ARMC3: variants seen among roughly 807,000 people sequenced by gnomAD.
ARMC3 encodes armadillo repeat containing 3.
A neutral mutation model predicts 90.3 loss-of-function variants in ARMC3; 74 were observed. The observed-to-expected ratio is 0.82, with a 90% CI of 0.68 to 0.99. The LOEUF (loss-of-function observed/expected upper bound fraction) is 0.99. ARMC3 is among the 50% of genes least tolerant of loss of function. The pLI is 0.00. For missense variants in ARMC3, 958 were observed against 1,042.8 expected (o/e 0.92, Z 1.12); for synonymous variants, 334 against 361.8 (o/e 0.92, Z 0.87).
intron 13 of ARMC3, among the ~76,000 whole-genome samples, chr10:23,005,802 T>C (rs1475670869): frequency 6.6e-6 from 1 of 151,456 alleles, no homozygotes; most frequent in Non-Finnish European, 1.5e-5. Context: ...AGGCAGAGGT[T>C]GTAGTGAGCC....
intron 16 of ARMC3, among the ~76,000 whole-genome samples, chr10:23,014,759 A>G (rs1030846362): frequency 1.5e-4 from 23 of 152,144 alleles, no homozygotes; most frequent in African/African-American, 5.5e-4. Flanking sequence ...ATGAGAGCAC[A>G]TGGACCCATA....
chr10:22,953,189 GC>G (rs1167221220), intron 3 of ARMC3, among the ~76,000 whole-genome samples: 15 of 152,234 alleles, frequency 9.9e-5, no homozygotes, highest in African/African-American at 3.4e-4. Flanking sequence ...GACGAAAGGG[GC>G]TCACTAGCCA....
chr10:23,014,480 C>T lies in ARMC3; in HGVS notation c.2045+5549C>T, dbSNP rs76156436. The T allele has an allele frequency of 1.3e-4, 134 of 1,029,542 alleles. 1 individual carries two copies. The highest frequency in any genetic ancestry group is 1.6e-4 in the East Asian group (2 of 12,410). The allele number at this position is 1,029,542 out of a possible 1,614,324, so 63.8% of individuals were successfully genotyped here. A position where few individuals can be genotyped will look rare whatever the true frequency, so the allele number is the denominator to read the frequency against. On this transcript the variant is annotated intron_variant, in intron 16 of 18. Transcript: ENST00000298032. Reference sequence around the variant, plus strand: ...TAGAATAAAATATTTTAACTGCATTCGTCTGAAAAGCCATTGGGAATATTT... The same window carrying T: ...TAGAATAAAATATTTTAACTGCATTTGTCTGAAAAGCCATTGGGAATATTT...
At chr10:22,993,892 G>T (rs1474153729) in intron 10 of ARMC3, among the ~76,000 whole-genome samples, 1 of 152,172 alleles carries the variant, frequency 6.6e-6, no homozygotes, top group Non-Finnish European at 1.5e-5. Flanking sequence ...GACGCTATTT[G>T]TGTTTGAATT....
At chr10:22,955,211 C>A (rs1037909053) in intron 3 of ARMC3, 1 of 152,250 alleles carries the variant, frequency 6.6e-6, no homozygotes, top group East Asian at 1.9e-4. Flanking sequence ...CACCCAGAAA[C>A]GTTTTAGTAG....
Position 22,936,407 on chromosome 10 carries a change from G to A in ARMC3, c.48+4363G>A, listed in dbSNP as rs146989324. On this transcript the variant is annotated intron_variant, in intron 2 of 18. Transcript: ENST00000298032. ...ATATTGGATAGCACAAAATCAGAAC[G>A]TTTTCATTGCTGAAGTTCTGTTGGA... Among the ~76,000 whole-genome samples, 281 of 152,242 alleles carry A rather than the reference G, an allele frequency of 1.8e-3. 3 individuals are homozygous for A. Among genetic ancestry groups the A allele is most frequent in the African/African-American group, 5.8e-3 (242 of 41,544 alleles).
intron 10 of ARMC3, among the ~76,000 whole-genome samples, chr10:22,991,488 T>C (rs1238883111): frequency 3.9e-5 from 6 of 152,124 alleles, no homozygotes; most frequent in Non-Finnish European, 8.8e-5. Context: ...TGGTAATGAT[T>C]CTACCATTAT....
intron 10 of ARMC3, among the ~76,000 whole-genome samples, chr10:22,984,832 C>T (rs985247058): frequency 5.3e-5 from 8 of 151,218 alleles, no homozygotes; most frequent in Non-Finnish European, 1.0e-4. Context: ...TAAAAATTTG[C>T]GATAAATTTG....
At chr10:22,979,571 G>A (rs532985943) in intron 8 of ARMC3, among the ~76,000 whole-genome samples, 2 of 152,228 alleles carry the variant, frequency 1.3e-5, no homozygotes, top group East Asian at 3.9e-4. Flanking sequence ...TTTCCTGATA[G>A]AATCCATGCT....
chr10:22,942,906 T>C (rs1405198413), intron 2 of ARMC3, among the ~76,000 whole-genome samples: 1 of 152,088 alleles, frequency 6.6e-6, no homozygotes, highest in Non-Finnish European at 1.5e-5. Context: ...TAAGCAAAAA[T>C]GTGAAAGAAC....
chr10:22,968,416 A>G lies in ARMC3; in HGVS notation c.843A>G (p.Ser281=). 6 of 1,613,344 alleles carry G rather than the reference A, an allele frequency of 3.7e-6. No individual in the cohort carries two copies. Among genetic ancestry groups the G allele is most frequent in the Non-Finnish European group, 5.1e-6 (6 of 1,179,788 alleles). The change falls in exon 8 of 19, where the codon TCA becomes TCG. Residue 281 remains serine, a synonymous_variant. Transcript: ENST00000298032. The part of the protein sequence containing the change: ...QQTGGLKKLL[S]FAENSTIPDI... ...CAGGGGGTCTTAAAAAGCTCCTGTC[A>G]TTTGCAGAAAACTCTACAATTCCTG... is the stretch of plus-strand genomic sequence containing the variant.
Position 23,037,730 on chromosome 10 carries a change from C to T in ARMC3, c.*251C>T, listed in dbSNP as rs1368676548. 4 of 384,900 alleles carry T rather than the reference C, an allele frequency of 1.0e-5. No homozygotes were observed. Among genetic ancestry groups the T allele is most frequent in the East Asian group, 8.8e-5 (2 of 22,802 alleles). 23.8% of individuals were successfully genotyped at this position (384,900 alleles called of 1,614,324 possible). A position where few individuals can be genotyped will look rare whatever the true frequency, so the allele number is the denominator to read the frequency against. ...ACCCTCACATAAAGCTGATTGTTGT[C>T]GAAATTCATCCAGCCCACTGTGTCC... On this transcript the variant is annotated 3_prime_UTR_variant, in exon 19 of 19. Coordinates refer to ENST00000298032, the MANE Select transcript of ARMC3 (RefSeq NM_173081.5).
intron 3 of ARMC3, among the ~76,000 whole-genome samples, chr10:22,954,946 G>A (rs914216690): frequency 2.0e-5 from 3 of 152,148 alleles, no homozygotes; most frequent in African/African-American, 4.8e-5. Context: ...AATTCAGTCT[G>A]CGTCCTAAGG....
At chr10:22,990,357 C>G (rs1282615888) in intron 10 of ARMC3, among the ~76,000 whole-genome samples, 1 of 152,166 alleles carries the variant, frequency 6.6e-6, no homozygotes. Flanking sequence ...TCTAGCTCTG[C>G]AGGTGTAGGA....
At chr10:22,999,386 A>G (rs1370431852) in intron 11 of ARMC3, among the ~76,000 whole-genome samples, 6 of 152,334 alleles carry the variant, frequency 3.9e-5, no homozygotes, top group African/African-American at 9.6e-5. Flanking sequence ...GCATCTCTAC[A>G]AAAAGACTCT....
At chr10:22,959,044 T>A (rs910100732) in intron 4 of ARMC3, 26 bp from the exon 5 acceptor site, 7 of 1,535,112 alleles carry the variant, frequency 4.6e-6, no homozygotes, top group South Asian at 1.1e-5. Context: ...TTAATAAACA[T>A]CAATACTCTG....
At chr10:23,028,663 T>C (rs1348747032) in intron 16 of ARMC3, among the ~76,000 whole-genome samples, 5 of 152,212 alleles carry the variant, frequency 3.3e-5, no homozygotes, top group Non-Finnish European at 1.5e-5. Flanking sequence ...TGGATTGTCA[T>C]TCCCATGTCA....
intron 2 of ARMC3, among the ~76,000 whole-genome samples, chr10:22,943,310 T>C (rs552265745): frequency 8.5e-5 from 13 of 152,326 alleles, no homozygotes; most frequent in African/African-American, 3.1e-4. Context: ...GGTTTTTCTT[T>C]GCTATGTTTT....
chr10:22,964,643 G>A (rs1835369987), intron 7 of ARMC3, among the ~76,000 whole-genome samples: 2 of 151,624 alleles, frequency 1.3e-5, no homozygotes, highest in South Asian at 4.1e-4. Flanking sequence ...GTTTCACCAT[G>A]TTGGCCAGGC....
Sources: allele counts gnomAD v4.1 joint callset (sites outside exome capture counted in the v4.1 genomes callset), GRCh38; gene constraint gnomAD v4.1.1; transcripts MANE v1.5; gene names NCBI Gene and HGNC (gene_info 2026-07-23, HGNC 2026-07-21).